The following ATP2C1 variants were observed in gnomAD, a reference collection of about 807,000 sequenced individuals.
ATP2C1 encodes ATPase secretory pathway Ca2+ transporting 1.
A neutral mutation model predicts 120.5 loss-of-function variants in ATP2C1; 31 were observed. The ratio of observed to expected loss-of-function variants is 0.26; its 90% CI spans 0.19 to 0.35. ATP2C1 has a LOEUF of 0.35. Among genes scored for constraint, ATP2C1 ranks in the 10% least tolerant of loss-of-function variants. The probability of loss-of-function intolerance (pLI) is 1.00; values close to 1 mark genes in which losing one functional copy is unlikely to be tolerated. For synonymous variants in ATP2C1, 351 were observed against 358.7 expected, an observed-to-expected ratio of 0.98 and a Z score of 0.24; for missense variants, 731 against 1,107.5, an observed-to-expected ratio of 0.66 and a Z score of 4.83.
intron 2 of ATP2C1, among the ~76,000 whole-genome samples, chr3:130,923,496 C>T (rs2059059120): frequency 1.3e-5 from 2 of 152,004 alleles, no homozygotes; most frequent in South Asian, 2.1e-4. Flanking sequence ...GGGTTACAGG[C>T]GTGAGCCACC....
chr3:130,906,675 GTT>G (rs35292140), intron 2 of ATP2C1, among the ~76,000 whole-genome samples: 6 of 133,546 alleles, frequency 4.5e-5, no homozygotes, highest in East Asian at 2.2e-4. Context: ...ACATTTTGCT[GTT>G]TTTTTTTTTT....
chr3:130,945,836 ATAT>A (rs1224343800), intron 8 of ATP2C1, among the ~76,000 whole-genome samples: 7 of 151,796 alleles, frequency 4.6e-5, no homozygotes, highest in African/African-American at 1.7e-4. Context: ...GTCTATATCA[ATAT>A]TTGGATAAAG....
At chr3:130,948,714 A>G (rs2060249568) in intron 8 of ATP2C1, among the ~76,000 whole-genome samples, 1 of 152,140 alleles carries the variant, frequency 6.6e-6, no homozygotes, top group Admixed American at 6.6e-5. Context: ...AAAAAAATAT[A>G]TTAATAGATT....
At chr3:130,977,861 T>C (rs973477309) in intron 18 of ATP2C1, among the ~76,000 whole-genome samples, 26 of 152,218 alleles carry the variant, frequency 1.7e-4, no homozygotes, top group African/African-American at 6.3e-4. Flanking sequence ...TGTACTTACA[T>C]TACATCTTAT....
intron 17 of ATP2C1, among the ~76,000 whole-genome samples, chr3:130,974,054 G>A (rs1038259647): frequency 7.2e-5 from 11 of 152,026 alleles, no homozygotes; most frequent in African/African-American, 2.4e-4. Flanking sequence ...ACTGAAGGAG[G>A]GTGGTCTCCA....
At chr3:130,873,418 T>C (rs2068498304) in intron 1 of ATP2C1, among the ~76,000 whole-genome samples, 1 of 152,188 alleles carries the variant, frequency 6.6e-6, no homozygotes, top group African/African-American at 2.4e-5. Context: ...TTTTGAGCAT[T>C]AAATTTAATT....
intron 17 of ATP2C1, among the ~76,000 whole-genome samples, chr3:130,974,413 TTG>T (rs1312224817): frequency 6.6e-6 from 1 of 152,148 alleles, no homozygotes; most frequent in African/African-American, 2.4e-5. Context: ...GAATAGGAAA[TTG>T]TGCACTGGCA....
chr3:130,917,937 C>G (rs1315004733), intron 2 of ATP2C1, among the ~76,000 whole-genome samples: 1 of 150,312 alleles, frequency 6.7e-6, no homozygotes, highest in East Asian at 2.0e-4. Context: ...GCATGGTGTC[C>G]TCAAGATTCA....
chr3:130,989,211 C>T (rs1275343174), intron 20 of ATP2C1, among the ~76,000 whole-genome samples: 3 of 143,378 alleles, frequency 2.1e-5, no homozygotes, highest in South Asian at 2.3e-4. Context: ...TGCGCCACTG[C>T]ACTCCAGCCT....
chr3:130,904,204 A>G (rs1319374572), intron 2 of ATP2C1, among the ~76,000 whole-genome samples: 1 of 152,076 alleles, frequency 6.6e-6, no homozygotes, highest in Non-Finnish European at 1.5e-5. Context: ...TTAACATCTT[A>G]TATAACCATA....
At chr3:130,866,621 T>C (rs139128411) in intron 1 of ATP2C1, among the ~76,000 whole-genome samples, 21 of 152,340 alleles carry the variant, frequency 1.4e-4, no homozygotes, top group African/African-American at 4.6e-4. Context: ...TCTCTCAAAC[T>C]GTGGTTTTGC....
intron 2 of ATP2C1, among the ~76,000 whole-genome samples, chr3:130,916,373 G>A (rs773096797): frequency 2.6e-5 from 4 of 151,994 alleles, no homozygotes; most frequent in African/African-American, 7.3e-5. Context: ...CAGAGATCGC[G>A]CCACTGCACT....
chr3:130,925,756 G>A (rs2059173895), intron 2 of ATP2C1, among the ~76,000 whole-genome samples: 1 of 151,716 alleles, frequency 6.6e-6, no homozygotes, highest in Admixed American at 6.6e-5. Flanking sequence ...CAGGAATAGG[G>A]GTGTCTCAGC....
At chr3:130,867,747 A>G (rs1175465203) in intron 1 of ATP2C1, among the ~76,000 whole-genome samples, 6 of 64,042 alleles carry the variant, frequency 9.4e-5, no homozygotes, top group African/African-American at 2.2e-4. Context: ...CTGCTTGGCC[A>G]CCCATCGTCT....
intron 8 of ATP2C1, among the ~76,000 whole-genome samples, chr3:130,949,378 C>A (rs992680463): frequency 2.0e-5 from 3 of 152,118 alleles, no homozygotes; most frequent in African/African-American, 7.2e-5. Context: ...TAATCCAGAG[C>A]AGGACCCTAA....
rs1291284590 is a variant in ATP2C1 at position 130,986,202 on chromosome 3, T to C, written c.1839+5523T>C. 3.0e-5 allele frequency among the ~76,000 whole-genome samples: 4 copies of C among 132,284 alleles called. No homozygotes were observed. In the East Asian group the frequency reaches 8.9e-4, roughly 29 times the overall value. 86.8% of individuals were successfully genotyped at this position (132,284 alleles called of 152,430 possible). A position where few individuals can be genotyped will look rare whatever the true frequency, so the allele number is the denominator to read the frequency against. ...AATAGGGCTTTTTTTTTTTTTTTGG[T>C]GCACGTCCTATCCTGGTAATCTCTT... On this transcript the variant is annotated intron_variant, in intron 20 of 27. Coordinates refer to ENST00000510168, the MANE Select transcript of ATP2C1 (RefSeq NM_001378687.1).
chr3:130,864,091 T>C (rs2068095380), intron 1 of ATP2C1, among the ~76,000 whole-genome samples: 2 of 152,216 alleles, frequency 1.3e-5, no homozygotes, highest in African/African-American at 4.8e-5. Context: ...TGGAACTTCC[T>C]AAAGACTTGT....
chr3:130,930,337 T>C, intron 2 of ATP2C1, 79 bp from the exon 3 acceptor site: 1 of 935,168 alleles, frequency 1.1e-6, no homozygotes, highest in African/African-American at 1.6e-5. Context: ...TGCTGTGAAC[T>C]TTTGGATTTT....
chr3:130,989,997 T>G (rs1044444637), intron 20 of ATP2C1, among the ~76,000 whole-genome samples: 1 of 152,210 alleles, frequency 6.6e-6, no homozygotes, highest in African/African-American at 2.4e-5. Flanking sequence ...ATATAAGTTA[T>G]GTGATTCATG....
Sources: allele counts gnomAD v4.1 joint callset (sites outside exome capture counted in the v4.1 genomes callset), GRCh38; gene constraint gnomAD v4.1.1; transcripts MANE v1.5; gene names NCBI Gene and HGNC (gene_info 2026-07-23, HGNC 2026-07-21).